GLP2R: variants seen among roughly 807,000 people sequenced by gnomAD.
GLP2R encodes the protein glucagon-like peptide 2 receptor.
Under a neutral mutation model 68.2 loss-of-function variants are expected in GLP2R, and 59 were observed. The ratio of observed to expected loss-of-function variants is 0.87; its 90% CI spans 0.70 to 1.07. The LOEUF (loss-of-function observed/expected upper bound fraction) is 1.07. Ranked by LOEUF, GLP2R falls within the 50% of genes least tolerant of loss-of-function variation. The pLI, the probability that GLP2R is intolerant of heterozygous loss-of-function variation, is 0.00. For missense variants in GLP2R, 548 were observed against 677.4 expected (o/e 0.81, Z 2.12); for synonymous variants, 270 against 265.4 (o/e 1.02, Z -0.17).
At chr17:9,839,735 C>T (rs2066767432) in intron 3 of GLP2R, among the ~76,000 whole-genome samples, 1 of 152,172 alleles carries the variant, frequency 6.6e-6, no homozygotes, top group Non-Finnish European at 1.5e-5. Context: ...TAGCACTCTC[C>T]CCCACGTTCA....
At chr17:9,888,659 G>T (rs1372902032) in intron 12 of GLP2R, among the ~76,000 whole-genome samples, 1 of 152,122 alleles carries the variant, frequency 6.6e-6, no homozygotes, top group Non-Finnish European at 1.5e-5. Context: ...TAGAGATGGG[G>T]TTTCACCATG....
chr17:9,884,535 G>A (rs550957696), intron 11 of GLP2R, among the ~76,000 whole-genome samples: 20 of 152,310 alleles, frequency 1.3e-4, no homozygotes, highest in Admixed American at 4.6e-4. Context: ...TAAAGGTCAA[G>A]TGCTGTCTGA....
chr17:9,843,237 G>A (rs1488339979), intron 4 of GLP2R, among the ~76,000 whole-genome samples: 4 of 152,194 alleles, frequency 2.6e-5, no homozygotes, highest in African/African-American at 7.2e-5. Flanking sequence ...GCCCCCAAAA[G>A]GGGAAACGAA....
rs534323767 is a variant in GLP2R, at chr17:9,844,847, C to G, written c.504+2231C>G. 2.6e-5 allele frequency among the ~76,000 whole-genome samples: 4 copies of G among 151,452 alleles called. 1 individual carries two copies. In the East Asian group the frequency reaches 7.8e-4, roughly 29 times the overall value. On this transcript the variant is annotated intron_variant, in intron 4 of 12. Coordinates refer to ENST00000262441, the MANE Select transcript of GLP2R (RefSeq NM_004246.3). Reference sequence around the variant, plus strand: ...CTGGGACTACAGGTGCGTGCCACCACGCCCGTCTAATTTTTATATCTTTAG... The same window carrying G: ...CTGGGACTACAGGTGCGTGCCACCAGGCCCGTCTAATTTTTATATCTTTAG...
At chr17:9,869,110 T>C (rs1228692791) in intron 9 of GLP2R, among the ~76,000 whole-genome samples, 3 of 152,208 alleles carry the variant, frequency 2.0e-5, no homozygotes, top group Non-Finnish European at 4.4e-5. Flanking sequence ...TCATTTCAAA[T>C]TGATCCCTTC....
intron 4 of GLP2R, among the ~76,000 whole-genome samples, 183 bp downstream of exon 4, chr17:9,842,799 T>A (rs1482857988): frequency 1.3e-5 from 2 of 152,222 alleles, no homozygotes; most frequent in African/African-American, 4.8e-5. Flanking sequence ...TTTCTTCCAC[T>A]ACTAGGCTGA....
At chr17:9,868,557 C>T (rs953688465) in intron 9 of GLP2R, among the ~76,000 whole-genome samples, 2 of 152,164 alleles carry the variant, frequency 1.3e-5, no homozygotes, top group Non-Finnish European at 2.9e-5. Context: ...CCTCACTCAG[C>T]CCCTTTCCTG....
intron 10 of GLP2R, among the ~76,000 whole-genome samples, chr17:9,874,901 T>G (rs1439319656): frequency 6.6e-6 from 1 of 152,104 alleles, no homozygotes; most frequent in Admixed American, 6.5e-5. Context: ...ACCACCTACC[T>G]GTTGGGAAGG....
chr17:9,875,042 T>C (rs2067131526), intron 10 of GLP2R, among the ~76,000 whole-genome samples: 1 of 152,118 alleles, frequency 6.6e-6, no homozygotes, highest in African/African-American at 2.4e-5. Context: ...TTGTGTAGAG[T>C]GCAATAGAGT....
intron 1 of GLP2R, among the ~76,000 whole-genome samples, chr17:9,833,271 A>AAAAAG (rs1555568753): frequency 2.6e-5 from 4 of 151,768 alleles, no homozygotes; most frequent in African/African-American, 7.3e-5. Flanking sequence ...TTAAAAAAAA[A>AAAAAG]AAAGAAAGAA....
intron 5 of GLP2R, among the ~76,000 whole-genome samples, chr17:9,855,636 C>T (rs567428430): frequency 2.0e-5 from 3 of 152,312 alleles, no homozygotes; most frequent in East Asian, 3.9e-4. Flanking sequence ...TGCATTAAGT[C>T]GTTTAAATGT....
intron 10 of GLP2R, among the ~76,000 whole-genome samples, chr17:9,872,609 A>G (rs1251809245): frequency 6.6e-6 from 1 of 152,216 alleles, no homozygotes; most frequent in Admixed American, 6.5e-5. Flanking sequence ...GGTGTACACG[A>G]TGTAGACCCT....
At chr17:9,881,591 G>A (rs909457879) in intron 11 of GLP2R, among the ~76,000 whole-genome samples, 3 of 149,112 alleles carry the variant, frequency 2.0e-5, no homozygotes, top group Admixed American at 1.3e-4. Flanking sequence ...CGTTTTAGCC[G>A]GGATGGTCTC....
rs943563460 is a variant in GLP2R at position 9,857,404 on chromosome 17, T to C, written c.612-19T>C. The C allele has an allele frequency of 2.6e-5, 42 of 1,613,522 alleles. No individual in the cohort carries two copies. Among genetic ancestry groups the C allele is most frequent in the Non-Finnish European group, 3.6e-5 (42 of 1,179,480 alleles). On this transcript the variant is annotated intron_variant, in intron 5 of 12. Coordinates refer to ENST00000262441, the MANE Select transcript of GLP2R (RefSeq NM_004246.3). ...CCATTCTTTCCTGAGGGAAGGCATT[T>C]GGTTTTCTCCTCGCACAGAAAACTC...
chr17:9,867,731 G>A (rs981502663), intron 9 of GLP2R, among the ~76,000 whole-genome samples: 1 of 152,134 alleles, frequency 6.6e-6, no homozygotes, highest in East Asian at 1.9e-4. Context: ...CGGTGAAATG[G>A]CTGTTTTGAG....
intron 7 of GLP2R, 130 bp downstream of exon 7, chr17:9,860,231 G>A: frequency 1.2e-6 from 1 of 855,786 alleles, no homozygotes; most frequent in Non-Finnish European, 1.8e-6. Context: ...TCAAAGACAG[G>A]GAGCTTTGAA....
At position 9,833,902 on chromosome 17, in the gene GLP2R, T is replaced by G. The variant is rs777282098; in HGVS notation, c.277+8T>G. The G allele has an allele frequency of 1.2e-5, 18 of 1,557,364 alleles. No homozygotes were observed. The highest frequency in any genetic ancestry group is 1.5e-5 in the Non-Finnish European group (17 of 1,128,092). On this transcript the variant is annotated splice_region_variant and intron_variant, in intron 2 of 12. Coordinates refer to ENST00000262441, the MANE Select transcript of GLP2R (RefSeq NM_004246.3). ...TACTCAAGGAACCTTCTGGTAAGCATGTGTATTAGTTATCCGTGGCTGTGT... is the reference window on the plus strand; with the variant it reads ...TACTCAAGGAACCTTCTGGTAAGCAGGTGTATTAGTTATCCGTGGCTGTGT...
chr17:9,884,493 AC>A (rs1453355193), intron 11 of GLP2R, among the ~76,000 whole-genome samples: 2 of 152,158 alleles, frequency 1.3e-5, no homozygotes, highest in Non-Finnish European at 2.9e-5. Flanking sequence ...GAAGATTAGA[AC>A]CAGGAGACAC....
At chr17:9,878,311 ATAT>A (rs1263001028) in intron 10 of GLP2R, among the ~76,000 whole-genome samples, 2 of 152,206 alleles carry the variant, frequency 1.3e-5, no homozygotes, top group Admixed American at 1.3e-4. Flanking sequence ...TTTTCTAGAA[ATAT>A]TATTATTTAA....
Sources: gnomAD v4.1 joint callset for allele counts (sites outside exome capture counted in the v4.1 genomes callset) on GRCh38, gnomAD v4.1.1 for gene constraint, MANE v1.5 for transcripts, NCBI Gene and HGNC (gene_info 2026-07-23, HGNC 2026-07-21) for gene names.